CNTNAP2: variants seen among roughly 807,000 people sequenced by gnomAD.
CNTNAP2 encodes contactin associated protein 2.
A neutral mutation model predicts 155.2 loss-of-function variants in CNTNAP2; 98 were observed. The observed-to-expected ratio is 0.63, with a 90% CI of 0.54 to 0.75. The LOEUF is 0.75. CNTNAP2 is among the 30% of genes least tolerant of loss of function. The probability of loss-of-function intolerance (pLI) is 0.00; values close to 1 mark genes in which losing one functional copy is unlikely to be tolerated. For missense variants in CNTNAP2, 1,727 were observed against 1,688.1 expected (o/e 1.02, Z -0.40); for synonymous variants, 651 against 631.2 (o/e 1.03, Z -0.47).
At chr7:146,197,443 G>A (rs577135899) in intron 1 of CNTNAP2, among the ~76,000 whole-genome samples, 45 of 152,202 alleles carry the variant, frequency 3.0e-4, no homozygotes, top group Middle Eastern at 3.4e-3. Context: ...TAATTAAGAC[G>A]TGACAGTGTG....
chr7:147,774,974 T>A (rs1797535355), intron 13 of CNTNAP2, among the ~76,000 whole-genome samples: 1 of 151,814 alleles, frequency 6.6e-6, no homozygotes, highest in African/African-American at 2.4e-5. Flanking sequence ...CAGTGCTTTC[T>A]CTACTTACTA....
chr7:147,983,800 G>A (rs1801573284), intron 15 of CNTNAP2, among the ~76,000 whole-genome samples: 1 of 152,100 alleles, frequency 6.6e-6, no homozygotes, highest in Non-Finnish European at 1.5e-5. Context: ...GGAGGTCAAG[G>A]TACTTATTAT....
chr7:146,239,485 T>C (rs1799525987), intron 1 of CNTNAP2, among the ~76,000 whole-genome samples: 1 of 152,184 alleles, frequency 6.6e-6, no homozygotes, highest in East Asian at 1.9e-4. Flanking sequence ...AAAAAAATAA[T>C]GTGATAGTTG....
chr7:147,884,287 G>C (rs1292614303), intron 13 of CNTNAP2, among the ~76,000 whole-genome samples: 3 of 152,152 alleles, frequency 2.0e-5, no homozygotes, highest in Admixed American at 6.6e-5. Context: ...CACAGAAAAT[G>C]GGGCGATGCA....
In CNTNAP2 at chr7:147,251,060, G is replaced by C. The variant is rs201730900; in HGVS notation, c.1349-49081G>C. ...TTTTAAAAGCCATCATGCCAACAGG[G>C]ACCAGGTGTTCGGCTAACCAATAGA... On this transcript the variant is annotated intron_variant, in intron 8 of 23. Coordinates refer to ENST00000361727, the MANE Select transcript of CNTNAP2 (RefSeq NM_014141.6). Among the ~76,000 whole-genome samples, 12 of 152,236 alleles carry C rather than the reference G, an allele frequency of 7.9e-5. No homozygotes were observed. The East Asian group carries it at 2.1e-3, about 27-fold the overall frequency.
intron 13 of CNTNAP2, among the ~76,000 whole-genome samples, chr7:147,757,992 A>G (rs534105533): frequency 7.2e-5 from 11 of 152,328 alleles, no homozygotes; most frequent in African/African-American, 2.4e-4. Context: ...ATTTGCTTCA[A>G]ATAATTAGGA....
intron 3 of CNTNAP2, among the ~76,000 whole-genome samples, chr7:146,947,593 ATATATG>A (rs1797216370): frequency 7.2e-6 from 1 of 139,754 alleles, no homozygotes; most frequent in African/African-American, 2.7e-5. Flanking sequence ...ATATATATAT[ATATATG>A]TATATATCTT....
intron 11 of CNTNAP2, among the ~76,000 whole-genome samples, chr7:147,522,232 T>C (rs1283355002): frequency 2.6e-5 from 4 of 152,196 alleles, no homozygotes; most frequent in Admixed American, 1.3e-4. Context: ...GGATTAGGAT[T>C]TCAACATATG....
At chr7:147,993,770 T>A (rs532377913) in intron 15 of CNTNAP2, among the ~76,000 whole-genome samples, 28 of 152,278 alleles carry the variant, frequency 1.8e-4, no homozygotes, top group African/African-American at 6.5e-4. Context: ...GTATCTGAGT[T>A]TGGAACATCA....
intron 13 of CNTNAP2, among the ~76,000 whole-genome samples, chr7:147,775,005 T>C (rs757023772): frequency 1.6e-4 from 24 of 151,556 alleles, no homozygotes; most frequent in Non-Finnish European, 3.1e-4. Context: ...TATACCACTC[T>C]ATGTAGTATA....
intron 1 of CNTNAP2, among the ~76,000 whole-genome samples, chr7:146,364,492 T>A (rs1795128044): frequency 6.6e-6 from 1 of 152,184 alleles, no homozygotes; most frequent in Non-Finnish European, 1.5e-5. Context: ...AAAGTAAAAA[T>A]ATATGAGTAT....
At chr7:147,626,276 T>C (rs75471916) in intron 12 of CNTNAP2, among the ~76,000 whole-genome samples, 13,610 of 151,818 alleles carry the variant, frequency 0.09, 1,689 homozygotes, top group African/African-American at 0.26. Context: ...AGTGGGGAAG[T>C]CTATGTCCTC....
intron 1 of CNTNAP2, among the ~76,000 whole-genome samples, chr7:146,613,602 T>C (rs1799175895): frequency 6.6e-6 from 1 of 152,286 alleles, no homozygotes; most frequent in East Asian, 1.9e-4. Flanking sequence ...TCCAAAAATA[T>C]GATTTTTACA....
chr7:147,192,955 A>G (rs1274448031), intron 8 of CNTNAP2, among the ~76,000 whole-genome samples: 18 of 152,168 alleles, frequency 1.2e-4, no homozygotes, highest in Admixed American at 1.2e-3. Flanking sequence ...AGTGAACAGA[A>G]TTGTATTTTT....
At chr7:147,650,679 T>C (rs1407833284) in intron 13 of CNTNAP2, among the ~76,000 whole-genome samples, 1 of 152,180 alleles carries the variant, frequency 6.6e-6, no homozygotes, top group Non-Finnish European at 1.5e-5. Flanking sequence ...ATGTTATCTG[T>C]AAGGTTTCTA....
At chr7:147,022,181 A>C (rs959843653) in intron 3 of CNTNAP2, among the ~76,000 whole-genome samples, 7 of 152,166 alleles carry the variant, frequency 4.6e-5, no homozygotes, top group Admixed American at 3.3e-4. Context: ...AAGTGAGATA[A>C]AGCTTCCCAT....
chr7:147,753,230 C>T (rs972816890), intron 13 of CNTNAP2, among the ~76,000 whole-genome samples: 2 of 152,198 alleles, frequency 1.3e-5, no homozygotes, highest in African/African-American at 4.8e-5. Flanking sequence ...CAAGGGCAGG[C>T]TCCTTGGAAT....
chr7:147,872,588 C>G (rs1388298613), intron 13 of CNTNAP2, among the ~76,000 whole-genome samples: 1 of 151,984 alleles, frequency 6.6e-6, no homozygotes, highest in African/African-American at 2.4e-5. Flanking sequence ...GTGTTTTGGC[C>G]GTAACTTTCT....
chr7:147,639,081 G>A (rs1354769053), intron 12 of CNTNAP2, 25 bp from the exon 13 acceptor site: 3 of 1,610,888 alleles, frequency 1.9e-6, no homozygotes, highest in Admixed American at 3.3e-5. Flanking sequence ...ATGATCCAGG[G>A]TCCTGGTTGT....
Sources: allele counts gnomAD v4.1 joint callset (sites outside exome capture counted in the v4.1 genomes callset), GRCh38; gene constraint gnomAD v4.1.1; transcripts MANE v1.5; gene names NCBI Gene and HGNC (gene_info 2026-07-23, HGNC 2026-07-21).